SOX5: variants seen among roughly 807,000 people sequenced by gnomAD.
SOX5 encodes the protein transcription factor SOX-5.
SOX5 carries 9 observed loss-of-function variants against 92.0 expected under a neutral mutation model. The observed-to-expected ratio is 0.10, with a 90% CI of 0.06 to 0.17. SOX5 has a LOEUF of 0.17. Ranked by LOEUF, SOX5 falls within the 10% of genes least tolerant of loss-of-function variation. SOX5 has a pLI of 1.00. For synonymous variants in SOX5, 344 were observed against 336.3 expected, an observed-to-expected ratio of 1.02 and a Z score of -0.25; for missense variants, 642 against 944.5, an observed-to-expected ratio of 0.68 and a Z score of 4.20.
At chr12:23,808,387 A>T (rs1433468079) in intron 3 of SOX5, among the ~76,000 whole-genome samples, 2 of 152,160 alleles carry the variant, frequency 1.3e-5, no homozygotes, top group African/African-American at 4.8e-5. Flanking sequence ...TGATGTTTAT[A>T]GAAACTAAAA....
intron 4 of SOX5, among the ~76,000 whole-genome samples, chr12:24,188,567 A>G (rs12300242): frequency 0.069 from 10,503 of 152,264 alleles, 489 homozygotes; most frequent in African/African-American, 0.13. Context: ...GTAAGTCAAC[A>G]TAAAAATAAC....
chr12:24,368,963 C>A (rs569907001), intron 1 of SOX5, among the ~76,000 whole-genome samples: 5 of 152,248 alleles, frequency 3.3e-5, no homozygotes, highest in East Asian at 1.9e-4. Context: ...AGGTCCAAAC[C>A]CTGGTTCCAC....
intron 3 of SOX5, among the ~76,000 whole-genome samples, chr12:23,821,094 T>C (rs950105320): frequency 5.9e-5 from 9 of 152,350 alleles, no homozygotes; most frequent in Middle Eastern, 3.4e-3. Flanking sequence ...TCCTCTCTTA[T>C]TTCCTTGAGC....
At chr12:23,651,130 TA>T (rs1189271978) in intron 7 of SOX5, among the ~76,000 whole-genome samples, 1 of 152,108 alleles carries the variant, frequency 6.6e-6, no homozygotes, top group African/African-American at 2.4e-5. Context: ...TTTGAATAAT[TA>T]CTTGTTCTCC....
intron 3 of SOX5, among the ~76,000 whole-genome samples, chr12:23,829,131 C>G (rs1027521942): frequency 6.6e-6 from 1 of 151,916 alleles, no homozygotes; most frequent in Non-Finnish European, 1.5e-5. Flanking sequence ...AAAAAAAGAC[C>G]AAGCATCCAC....
intron 3 of SOX5, among the ~76,000 whole-genome samples, chr12:23,835,014 A>G (rs1407909769): frequency 6.6e-6 from 1 of 151,878 alleles, no homozygotes; most frequent in African/African-American, 2.4e-5. Context: ...TTTCACCTAA[A>G]CTGTAATTAG....
intron 8 of SOX5, among the ~76,000 whole-genome samples, chr12:23,620,855 C>T (rs1007885512): frequency 2.0e-5 from 3 of 151,990 alleles, no homozygotes; most frequent in African/African-American, 7.2e-5. Flanking sequence ...TTGATGCATT[C>T]ATTTAATAAA....
At chr12:23,637,099 A>G (rs1389357349) in intron 8 of SOX5, among the ~76,000 whole-genome samples, 2 of 152,198 alleles carry the variant, frequency 1.3e-5, no homozygotes, top group South Asian at 4.1e-4. Context: ...TTTGCACCCA[A>G]GGAAAAGAAA....
Position 23,865,545 on chromosome 12 carries a change from C to T in SOX5, c.271-19352G>A, listed in dbSNP as rs570336917. ...GAAAAATTAGCTGGGCTTGGTGGCACGTGCCTGTAGTCCCAGCTACTCGGG... is the reference window on the plus strand; with the variant it reads ...GAAAAATTAGCTGGGCTTGGTGGCATGTGCCTGTAGTCCCAGCTACTCGGG... On this transcript the variant is annotated intron_variant, in intron 2 of 14. Coordinates refer to ENST00000451604, the MANE Select transcript of SOX5 (RefSeq NM_006940.6). 1.8e-4 allele frequency among the ~76,000 whole-genome samples: 27 copies of T among 152,018 alleles called. No homozygotes were observed. The South Asian group carries it at 3.1e-3, about 18-fold the overall frequency.
intron 1 of SOX5, among the ~76,000 whole-genome samples, chr12:24,533,695 T>C (rs910900834): frequency 7.9e-5 from 12 of 152,224 alleles, no homozygotes; most frequent in Non-Finnish European, 1.5e-5. Flanking sequence ...AAGACTTTTA[T>C]TATACATTTG....
At chr12:23,921,749 C>A (rs1054937991) in intron 1 of SOX5, among the ~76,000 whole-genome samples, 3 of 152,194 alleles carry the variant, frequency 2.0e-5, no homozygotes, top group African/African-American at 7.2e-5. Context: ...AGCCTTCTTA[C>A]AATCTTACAG....
chr12:24,258,042 G>A (rs992849990), intron 3 of SOX5, among the ~76,000 whole-genome samples: 12 of 151,936 alleles, frequency 7.9e-5, no homozygotes, highest in South Asian at 2.1e-4. Flanking sequence ...GCGCGGTGGC[G>A]GGCACCTGTA....
At chr12:23,880,536 G>A (rs920187840) in intron 2 of SOX5, among the ~76,000 whole-genome samples, 3 of 152,174 alleles carry the variant, frequency 2.0e-5, no homozygotes, top group South Asian at 2.1e-4. Flanking sequence ...AGAGGGGTGA[G>A]AAATTAATCT....
At chr12:24,182,948 A>T (rs1034128245) in intron 4 of SOX5, among the ~76,000 whole-genome samples, 2 of 152,166 alleles carry the variant, frequency 1.3e-5, no homozygotes, top group African/African-American at 4.8e-5. Flanking sequence ...TCCTGGCCTC[A>T]GGTGATCCAT....
chr12:24,077,821 A>C lies in SOX5; in HGVS notation c.-2+135522T>G, dbSNP rs71450412. On this transcript the variant is annotated intron_variant, in intron 4 of 4. Transcript: ENST00000446891. ...TATATATATATGCAGCTAAGTGAAG[A>C]CAAATCTCAGTTTTGGCTTCAAAAT... Among the ~76,000 whole-genome samples, 10 of 145,100 alleles carry C rather than the reference A, an allele frequency of 6.9e-5. No homozygotes were observed. In the East Asian group the frequency reaches 2.0e-3, roughly 29 times the overall value.
chr12:24,079,495 TTTTA>T (rs1943066836), intron 4 of SOX5, among the ~76,000 whole-genome samples: 1 of 152,010 alleles, frequency 6.6e-6, no homozygotes. Flanking sequence ...AGGGGGATGT[TTTTA>T]TTGTTTTATT....
At chr12:23,779,488 A>G (rs1185888251) in intron 3 of SOX5, among the ~76,000 whole-genome samples, 1 of 151,374 alleles carries the variant, frequency 6.6e-6, no homozygotes, top group Non-Finnish European at 1.5e-5. Context: ...AAAAATAACC[A>G]ATCATGGTTA....
intron 3 of SOX5, among the ~76,000 whole-genome samples, chr12:24,237,600 T>TC (rs1964760025): frequency 6.6e-6 from 1 of 151,938 alleles, no homozygotes; most frequent in African/African-American, 2.4e-5. Context: ...TTTTTTTTTT[T>TC]CATAAGCAAC....
intron 8 of SOX5, among the ~76,000 whole-genome samples, chr12:23,630,586 ATAC>A (rs2078407186): frequency 6.6e-6 from 1 of 152,040 alleles, no homozygotes; most frequent in African/African-American, 2.4e-5. Context: ...TAATCAGCTA[ATAC>A]TATTAAATAT....
Sources: allele counts gnomAD v4.1 joint callset (sites outside exome capture counted in the v4.1 genomes callset), GRCh38; gene constraint gnomAD v4.1.1; transcripts MANE v1.5; gene names NCBI Gene and HGNC (gene_info 2026-07-23, HGNC 2026-07-21).